SLC38A6: variants seen among roughly 807,000 people sequenced by gnomAD.
SLC38A6 encodes solute carrier family 38 member 6, also known as N system amino acid transporter NAT-1.
A neutral mutation model predicts 65.0 loss-of-function variants in SLC38A6; 73 were observed. The observed-to-expected ratio is 1.12, with a 90% CI of 0.93 to 1.37. SLC38A6 has a LOEUF of 1.37. Among genes scored for constraint, SLC38A6 ranks in the 40% most tolerant of loss-of-function variants. The pLI is 0.00. For missense variants in SLC38A6, 561 were observed against 531.1 expected, an observed-to-expected ratio of 1.06 and a Z score of -0.55; for synonymous variants, 183 against 178.8, an observed-to-expected ratio of 1.02 and a Z score of -0.19.
intron 16 of SLC38A6, among the ~76,000 whole-genome samples, chr14:61,082,634 G>T (rs1432044371): frequency 6.6e-6 from 1 of 152,196 alleles, no homozygotes; most frequent in Non-Finnish European, 1.5e-5. Context: ...GCAGACGCCT[G>T]TAGGTGCCTT....
chr14:61,063,801 A>T (rs1409788572), intron 15 of SLC38A6, among the ~76,000 whole-genome samples: 1 of 152,244 alleles, frequency 6.6e-6, no homozygotes, highest in Non-Finnish European at 1.5e-5. Flanking sequence ...TGTAAGGCAC[A>T]CTACGTAACC....
chr14:61,019,185 T>C lies in SLC38A6; in HGVS notation c.364-356T>C, dbSNP rs367845383. Among the ~76,000 whole-genome samples, 18 of 152,276 alleles carry C rather than the reference T, an allele frequency of 1.2e-4. No individual in the cohort carries two copies. In the East Asian group the frequency reaches 3.3e-3, roughly 28 times the overall value. On this transcript the variant is annotated intron_variant, in intron 4 of 15. Transcript: ENST00000267488. The stretch of plus-strand genomic sequence containing the variant: ...CACCCAGCCGGTCTTTTTCTACTTA[T>C]TTAAGCAGTGTGATAAAACCAGCAA...
intron 12 of SLC38A6, chr14:61,048,210 G>A (rs368235697): frequency 1.4e-5 from 6 of 441,298 alleles, no homozygotes; most frequent in African/African-American, 1.2e-4. Context: ...ATCTTATAAG[G>A]GCTAGCCTCA....
intron 16 of SLC38A6, among the ~76,000 whole-genome samples, chr14:61,079,816 G>A (rs1439429175): frequency 6.6e-6 from 1 of 152,120 alleles, no homozygotes; most frequent in Non-Finnish European, 1.5e-5. Flanking sequence ...AGTGTTGATG[G>A]TTTAAGAGTG....
At chr14:61,010,947 G>A (rs987816110) in intron 3 of SLC38A6, among the ~76,000 whole-genome samples, 2 of 152,120 alleles carry the variant, frequency 1.3e-5, no homozygotes, top group Admixed American at 6.5e-5. Context: ...GTTGGGGATG[G>A]CATTGAATCT....
chr14:60,984,305 T>C (rs149330397), intron 2 of SLC38A6, among the ~76,000 whole-genome samples: 269 of 152,242 alleles, frequency 1.8e-3, no homozygotes, highest in African/African-American at 6.3e-3. Context: ...AGGAGGTCAA[T>C]ATCACTGGAA....
At chr14:61,046,650 A>AG (rs2042167212) in intron 12 of SLC38A6, among the ~76,000 whole-genome samples, 1 of 152,198 alleles carries the variant, frequency 6.6e-6, no homozygotes, top group Non-Finnish European at 1.5e-5. Flanking sequence ...AGGATTCAGC[A>AG]GATGTGCATT....
At chr14:61,073,189 A>G (rs2043287790) in intron 15 of SLC38A6, among the ~76,000 whole-genome samples, 1 of 152,168 alleles carries the variant, frequency 6.6e-6, no homozygotes, top group African/African-American at 2.4e-5. Flanking sequence ...TCTTTTGAGA[A>G]ATGTCTATTC....
At chr14:61,043,371 A>AATT in intron 9 of SLC38A6, 79 bp from the exon 10 acceptor site, 2 of 1,243,868 alleles carry the variant, frequency 1.6e-6, no homozygotes, top group Non-Finnish European at 2.3e-6. Flanking sequence ...TAGTAATAAT[A>AATT]AATTCATCAT....
intron 15 of SLC38A6, among the ~76,000 whole-genome samples, chr14:61,063,008 A>G (rs2042905493): frequency 6.6e-6 from 1 of 152,122 alleles, no homozygotes; most frequent in African/African-American, 2.4e-5. Context: ...TGTTTTGCAA[A>G]GATTTTTTTT....
chr14:61,062,605 G>A (rs1048209697), intron 15 of SLC38A6, among the ~76,000 whole-genome samples: 18 of 152,004 alleles, frequency 1.2e-4, no homozygotes, highest in Admixed American at 7.2e-4. Flanking sequence ...GGGACTGCAG[G>A]CACATACCAC....
chr14:61,071,900 G>T (rs1489565977), intron 15 of SLC38A6, among the ~76,000 whole-genome samples: 1 of 152,196 alleles, frequency 6.6e-6, no homozygotes, highest in Non-Finnish European at 1.5e-5. Flanking sequence ...TAAATCTTGT[G>T]TATTTAGGGA....
At chr14:60,984,544 A>G (rs2037311159) in intron 2 of SLC38A6, among the ~76,000 whole-genome samples, 186 bp from the exon 3 acceptor site, 1 of 152,110 alleles carries the variant, frequency 6.6e-6, no homozygotes, top group South Asian at 2.1e-4. Context: ...ATTTTCATTT[A>G]AATAAAATTG....
intron 15 of SLC38A6, among the ~76,000 whole-genome samples, chr14:61,064,153 C>G (rs1449171174): frequency 6.6e-6 from 1 of 152,176 alleles, no homozygotes; most frequent in East Asian, 1.9e-4. Flanking sequence ...ACTAATAATG[C>G]CTTCCTGAAA....
exon 17 of SLC38A6, chr14:61,083,589 A>G: frequency 6.4e-7 from 1 of 1,550,542 alleles, no homozygotes; most frequent in Non-Finnish European, 8.7e-7. Flanking sequence ...CCCAGAGGAA[A>G]GGCCACGCAA....
intron 6 of SLC38A6, among the ~76,000 whole-genome samples, chr14:61,033,171 A>G (rs2041118272): frequency 6.6e-6 from 1 of 152,010 alleles, no homozygotes; most frequent in Non-Finnish European, 1.5e-5. Flanking sequence ...TTTTAGTTAC[A>G]TAATTGATAT....
chr14:61,035,884 T>A (rs2041325296), intron 6 of SLC38A6, among the ~76,000 whole-genome samples: 1 of 152,222 alleles, frequency 6.6e-6, no homozygotes, highest in South Asian at 2.1e-4. Flanking sequence ...TAAAAATATC[T>A]ACTTTTTGGT....
chr14:61,014,163 C>T lies in SLC38A6; in HGVS notation c.311-1741C>T, dbSNP rs568488111. Among the ~76,000 whole-genome samples the T allele has an allele frequency of 3.9e-5, 6 of 152,264 alleles. No individual in the cohort carries two copies. The South Asian group carries it at 8.3e-4, about 21-fold the overall frequency. ...CTTTCATCACTGATAGCCTTTCTTC[C>T]AGTTGATTGAATCGGCTACTGAGGC... On this transcript the variant is annotated intron_variant, in intron 3 of 15. Coordinates refer to ENST00000267488, the MANE Select transcript of SLC38A6 (RefSeq NM_153811.3).
At chr14:61,000,494 G>C (rs1267322844) in intron 3 of SLC38A6, among the ~76,000 whole-genome samples, 2 of 152,200 alleles carry the variant, frequency 1.3e-5, no homozygotes, top group Admixed American at 6.5e-5. Flanking sequence ...AGCCGGGCGT[G>C]ATGGCGGGCG....
Sources: allele counts gnomAD v4.1 joint callset (sites outside exome capture counted in the v4.1 genomes callset), GRCh38; gene constraint gnomAD v4.1.1; transcripts MANE v1.5; gene names NCBI Gene and HGNC (gene_info 2026-07-23, HGNC 2026-07-21).